The following QTMAN variants were observed in gnomAD, a reference collection of about 807,000 sequenced individuals.
QTMAN encodes tRNA-queuosine alpha-mannosyltransferase.
chr2:144,253,934 G>A, the QTMAN span, among the ~76,000 whole-genome samples: 1 of 152,188 alleles, frequency 6.6e-6, no homozygotes, highest in African/African-American at 2.4e-5. Context: ...AGGGAAAAAT[G>A]GTTTCCTGGG....
the QTMAN span, among the ~76,000 whole-genome samples, chr2:143,992,312 T>C: frequency 2.0e-5 from 3 of 148,776 alleles, no homozygotes; most frequent in Non-Finnish European, 4.5e-5. Flanking sequence ...AAGATGTGCT[T>C]TGTTAAACAG....
At chr2:144,041,169 C>G in the QTMAN span, among the ~76,000 whole-genome samples, 1 of 151,992 alleles carries the variant, frequency 6.6e-6, no homozygotes, top group Non-Finnish European at 1.5e-5. Context: ...TGGGGTCAAG[C>G]GATTTTTAAC....
At chr2:144,167,047 T>C in the QTMAN span, among the ~76,000 whole-genome samples, 1 of 152,336 alleles carries the variant, frequency 6.6e-6, no homozygotes, top group South Asian at 2.1e-4. Flanking sequence ...TGAATCTTTG[T>C]ACATTATCTC....
chr2:144,317,418 G>GAAGGAAGGAAGT, the QTMAN span: 60 of 151,932 alleles, frequency 3.9e-4, 1 homozygote, highest in East Asian at 0.01. Context: ...AGGAAGGAAG[G>GAAGGAAGGAAGT]AAGGAAGGAA....
At chr2:144,316,403 T>A in the QTMAN span, among the ~76,000 whole-genome samples, 1 of 152,240 alleles carries the variant, frequency 6.6e-6, no homozygotes, top group Non-Finnish European at 1.5e-5. Flanking sequence ...TTATCATCCC[T>A]GCATCCCAAA....
chr2:144,332,512 T>TGCCCCTCCCCCGCGGCCGCCGC, the QTMAN span: 2 of 147,562 alleles, frequency 1.4e-5, no homozygotes, highest in African/African-American at 2.4e-5. Context: ...GCTGACGCCG[T>TGCCCCTCCCCCGCGGCCGCCGC]GCCCCTCCCC....
chr2:144,110,530 T>C, the QTMAN span, among the ~76,000 whole-genome samples: 1 of 152,056 alleles, frequency 6.6e-6, no homozygotes. Context: ...CCCTAGAACT[T>C]AAAGTGTTAT....
chr2:143,999,367 C>T, the QTMAN span, among the ~76,000 whole-genome samples: 1 of 151,552 alleles, frequency 6.6e-6, no homozygotes, highest in South Asian at 2.1e-4. Flanking sequence ...TGATGACTAC[C>T]ATCATGGAAA....
the QTMAN span, among the ~76,000 whole-genome samples, chr2:144,106,017 T>G: frequency 1.2e-4 from 18 of 152,196 alleles, no homozygotes; most frequent in South Asian, 1.2e-3. Context: ...GCTTCATAAG[T>G]GAAGGAGAAA....
At chr2:144,003,919 T>C in the QTMAN span, among the ~76,000 whole-genome samples, 1 of 152,090 alleles carries the variant, frequency 6.6e-6, no homozygotes, top group Non-Finnish European at 1.5e-5. Flanking sequence ...TAGAGTTGGC[T>C]ACTGCAACTG....
At chr2:143,988,311 C>A in the QTMAN span, among the ~76,000 whole-genome samples, 3 of 152,156 alleles carry the variant, frequency 2.0e-5, no homozygotes, top group African/African-American at 2.4e-5. Flanking sequence ...AACCTGTGGG[C>A]AGATGGGAAC....
At chr2:143,974,020 A>C in the QTMAN span, among the ~76,000 whole-genome samples, 3 of 152,222 alleles carry the variant, frequency 2.0e-5, no homozygotes, top group Non-Finnish European at 4.4e-5. Context: ...AATCTGTCTT[A>C]AATTCCTTTC....
chr2:144,145,574 T>C, the QTMAN span: 17 of 1,605,238 alleles, frequency 1.1e-5, no homozygotes, highest in South Asian at 2.2e-5. Flanking sequence ...ATACCTACCA[T>C]GAAAGAATTT....
At chr2:144,251,204 T>G in the QTMAN span, among the ~76,000 whole-genome samples, 2 of 152,186 alleles carry the variant, frequency 1.3e-5, no homozygotes, top group African/African-American at 4.8e-5. Flanking sequence ...CATCACATTA[T>G]CTCATACTTA....
At chr2:144,000,011 G>T in the QTMAN span, among the ~76,000 whole-genome samples, 1 of 151,974 alleles carries the variant, frequency 6.6e-6, no homozygotes, top group African/African-American at 2.4e-5. Context: ...ACTAAATGTT[G>T]AATCTATATT....
the QTMAN span, among the ~76,000 whole-genome samples, chr2:144,118,785 G>A: frequency 6.6e-6 from 1 of 152,200 alleles, no homozygotes; most frequent in East Asian, 1.9e-4. Flanking sequence ...GGAGGCTGAG[G>A]CAGGAGAATG....
At chr2:144,182,848 AT>A in the QTMAN span, among the ~76,000 whole-genome samples, 1 of 64,562 alleles carries the variant, frequency 1.5e-5, no homozygotes, top group Non-Finnish European at 2.7e-5. Flanking sequence ...TATTATATAT[AT>A]ATTTTATATA....
the QTMAN span, chr2:143,939,794 GTA>G: frequency 6.6e-6 from 1 of 152,132 alleles, no homozygotes; most frequent in Admixed American, 6.6e-5. Flanking sequence ...TCTTCTTAAT[GTA>G]ACATTCAGTA....
At chr2:144,256,646 A>G in the QTMAN span, among the ~76,000 whole-genome samples, 1 of 152,182 alleles carries the variant, frequency 6.6e-6, no homozygotes, top group Admixed American at 6.5e-5. Context: ...TGGGAGTTGA[A>G]CAAAAAGAAC....
Sources: gnomAD v4.1 joint callset for allele counts (sites outside exome capture counted in the v4.1 genomes callset) on GRCh38, gnomAD v4.1.1 for gene constraint, MANE v1.5 for transcripts, NCBI Gene and HGNC (gene_info 2026-07-23, HGNC 2026-07-21) for gene names.